The following ADAMTS9 variants were observed in gnomAD, a reference collection of about 807,000 sequenced individuals.
The protein encoded by ADAMTS9 is ADAM metallopeptidase with thrombospondin type 1 motif 9.
ADAMTS9 carries 107 observed loss-of-function variants against 257.1 expected under a neutral mutation model. The ratio of observed to expected loss-of-function variants is 0.42; its 90% CI spans 0.36 to 0.49. The LOEUF (loss-of-function observed/expected upper bound fraction) is 0.49, where lower values mean the gene tolerates loss of function less well. Among genes scored for constraint, ADAMTS9 ranks in the 20% least tolerant of loss-of-function variants. The pLI is 0.03. For synonymous variants in ADAMTS9, 982 were observed against 880.9 expected (o/e 1.11, Z -2.03); for missense variants, 2,353 against 2,469.1 (o/e 0.95, Z 1.00).
chr3:64,593,211 G>C (rs1447414500), intron 28 of ADAMTS9, among the ~76,000 whole-genome samples: 2 of 152,068 alleles, frequency 1.3e-5, no homozygotes, highest in Non-Finnish European at 2.9e-5. Context: ...TGATTATATA[G>C]TTAGTGTTAC....
chr3:64,621,210 C>G lies in ADAMTS9; in HGVS notation c.2717G>C (p.Arg906Thr). The G allele has an allele frequency of 2.5e-6, 4 of 1,613,750 alleles. No individual in the cohort carries two copies. In the Middle Eastern group the frequency reaches 6.6e-4, roughly 268 times the overall value. Residue 906 changes from arginine (R) to threonine (T), a missense_variant, in exon 19 of 40, where the codon AGG becomes ACG. Arg to Thr is a moderately conservative substitution (Grantham distance 71, BLOSUM62 -1). Coordinates refer to ENST00000498707, the MANE Select transcript of ADAMTS9 (RefSeq NM_182920.2). The part of the protein sequence containing the change: ...GERKRKLVCT[R>T]ESDQLTVSDQ... Reference sequence around the variant, plus strand: ...AGAAACAGTAAGCTGATCAGATTCCCTGGTGCAAACAAGTTTTCGTTTCCG... The same window carrying G: ...AGAAACAGTAAGCTGATCAGATTCCGTGGTGCAAACAAGTTTTCGTTTCCG...
intron 38 of ADAMTS9, among the ~76,000 whole-genome samples, chr3:64,525,341 A>T (rs11706709): frequency 0.7 from 106,883 of 152,002 alleles, 41,318 homozygotes; most frequent in Non-Finnish European, 0.86. Flanking sequence ...TTTGTATAAT[A>T]ACCATGTCAC....
intron 30 of ADAMTS9, among the ~76,000 whole-genome samples, chr3:64,551,727 G>A (rs979244456): frequency 1.3e-5 from 2 of 152,150 alleles, no homozygotes; most frequent in African/African-American, 4.8e-5. Context: ...CAGGATCAGG[G>A]ACATCAGTAC....
rs78513581 is a variant in ADAMTS9, at chr3:64,534,004, T to G, written c.5614-734A>C. ...CTCCAATTGTCTCTCTCACTCTCTCTTTCAAAAATGACTCGCAAAGGCATC... is the reference window on the plus strand; with the variant it reads ...CTCCAATTGTCTCTCTCACTCTCTCGTTCAAAAATGACTCGCAAAGGCATC... On this transcript the variant is annotated intron_variant, in intron 37 of 39. Coordinates refer to ENST00000498707, the MANE Select transcript of ADAMTS9 (RefSeq NM_182920.2). 5.1e-3 allele frequency among the ~76,000 whole-genome samples: 772 copies of G among 152,304 alleles called. 11 individuals carry two copies. The highest frequency in any genetic ancestry group is 0.018 in the African/African-American group (741 of 41,564).
intron 29 of ADAMTS9, among the ~76,000 whole-genome samples, chr3:64,564,603 A>T (rs1294041264): frequency 6.6e-6 from 1 of 150,416 alleles, no homozygotes; most frequent in Non-Finnish European, 1.5e-5. Flanking sequence ...CAATTAAATA[A>T]TTCTTTTTTG....
intron 22 of ADAMTS9, among the ~76,000 whole-genome samples, chr3:64,612,016 TA>T (rs1175493344): frequency 6.6e-6 from 1 of 152,308 alleles, no homozygotes; most frequent in African/African-American, 2.4e-5. Context: ...AATATTAATT[TA>T]AAAAATATTA....
chr3:64,629,247 C>G (rs964117301), intron 16 of ADAMTS9, among the ~76,000 whole-genome samples: 3 of 152,182 alleles, frequency 2.0e-5, no homozygotes, highest in Non-Finnish European at 4.4e-5. Context: ...CTTCCCCCAC[C>G]ATCTCTTCTC....
Position 64,687,940 on chromosome 3 carries a change from C to A in ADAMTS9, c.-283G>T, listed in dbSNP as rs910912437. The A allele has an allele frequency of 6.2e-5, 17 of 274,258 alleles. No individual in the cohort carries two copies. In the East Asian group the frequency reaches 9.3e-4, roughly 15 times the overall value. 17.0% of individuals were successfully genotyped at this position (274,258 alleles called of 1,614,324 possible). ...GGCTCGGCTGCTTGGCCGCATAATG[C>A]CCAGCGAGCGGGCAGGAGAAGGCGA... On this transcript the variant is annotated 5_prime_UTR_variant, in exon 1 of 40. Coordinates refer to ENST00000498707, the MANE Select transcript of ADAMTS9 (RefSeq NM_182920.2). The surrounding 1 kb of genome is among the most constrained non-coding windows in gnomAD (Gnocchi z 4.4).
At chr3:64,620,338 G>C (rs556694296) in intron 19 of ADAMTS9, among the ~76,000 whole-genome samples, 1 of 152,266 alleles carries the variant, frequency 6.6e-6, no homozygotes, top group South Asian at 2.1e-4. Context: ...AGCCTTCAAA[G>C]TGCTTAAGTA....
chr3:64,619,539 G>T (rs1315234069), intron 19 of ADAMTS9, among the ~76,000 whole-genome samples: 1 of 152,042 alleles, frequency 6.6e-6, no homozygotes, highest in Admixed American at 6.6e-5. Flanking sequence ...TTGTAAAGTG[G>T]TAAGAATAAT....
At chr3:64,609,023 AAC>A (rs1491422976) in intron 22 of ADAMTS9, among the ~76,000 whole-genome samples, 376 of 150,216 alleles carry the variant, frequency 2.5e-3, no homozygotes, top group African/African-American at 7.8e-3. Context: ...TGGAAAAAAA[AAC>A]ATGATTATCT....
chr3:64,661,076 G>C (rs1317133444), intron 3 of ADAMTS9, among the ~76,000 whole-genome samples: 1 of 152,146 alleles, frequency 6.6e-6, no homozygotes, highest in Non-Finnish European at 1.5e-5. Context: ...ACATCCACTG[G>C]GGATCTTGGA....
At chr3:64,602,502 C>T (rs989268561) in intron 25 of ADAMTS9, among the ~76,000 whole-genome samples, 4 of 152,176 alleles carry the variant, frequency 2.6e-5, no homozygotes, top group Non-Finnish European at 5.9e-5. Context: ...AAAATCCTTA[C>T]ATTGATCTAC....
At chr3:64,682,727 C>T (rs1417364247) in intron 2 of ADAMTS9, among the ~76,000 whole-genome samples, 1 of 152,212 alleles carries the variant, frequency 6.6e-6, no homozygotes, top group East Asian at 1.9e-4. Context: ...AATTGTGCTC[C>T]ACCCCAAATC....
intron 16 of ADAMTS9, among the ~76,000 whole-genome samples, chr3:64,629,426 T>C (rs1700311281): frequency 6.6e-6 from 1 of 152,232 alleles, no homozygotes; most frequent in African/African-American, 2.4e-5. Context: ...AGGAGTGTCC[T>C]CTGTGCTCAC....
intron 36 of ADAMTS9, among the ~76,000 whole-genome samples, chr3:64,540,598 T>C (rs984278945): frequency 4.6e-5 from 7 of 152,164 alleles, no homozygotes; most frequent in Non-Finnish European, 7.4e-5. Flanking sequence ...TGCCCATGAA[T>C]TTCTTGGCTT....
chr3:64,657,813 C>T (rs1158862329), intron 4 of ADAMTS9, among the ~76,000 whole-genome samples: 1 of 151,974 alleles, frequency 6.6e-6, no homozygotes, highest in East Asian at 1.9e-4. Context: ...TGGGAAGGGG[C>T]CTGGAAGTCT....
At chr3:64,680,926 A>G (rs1701737885) in intron 3 of ADAMTS9, among the ~76,000 whole-genome samples, 1 of 152,196 alleles carries the variant, frequency 6.6e-6, no homozygotes, top group Non-Finnish European at 1.5e-5. Flanking sequence ...TCAACAGAAA[A>G]GGTGGCTCTT....
chr3:64,675,989 G>A (rs181951666), intron 3 of ADAMTS9, among the ~76,000 whole-genome samples: 1 of 152,220 alleles, frequency 6.6e-6, no homozygotes, highest in East Asian at 1.9e-4. Context: ...AGGAAGTGAT[G>A]GTACCTTCTA....
Sources: gnomAD v4.1 joint callset for allele counts (sites outside exome capture counted in the v4.1 genomes callset) on GRCh38, gnomAD v4.1.1 for gene constraint, Gnocchi (gnomAD v3.1) non-coding constraint, MANE v1.5 for transcripts, NCBI Gene and HGNC (gene_info 2026-07-23, HGNC 2026-07-21) for gene names.